Variants in THRB observed in about 807,000 individuals in gnomAD.
THRB encodes the protein thyroid hormone receptor beta.
A neutral mutation model predicts 47.8 loss-of-function variants in THRB; 12 were observed. The observed-to-expected ratio is 0.25, with a 90% CI of 0.16 to 0.41. THRB has a LOEUF of 0.41. Among genes scored for constraint, THRB ranks in the 10% least tolerant of loss-of-function variants. The pLI, the probability that THRB is intolerant of heterozygous loss-of-function variation, is 1.00. For missense variants in THRB, 348 were observed against 589.2 expected (o/e 0.59, Z 4.24); for synonymous variants, 218 against 212.2 (o/e 1.03, Z -0.24).
chr3:24,402,619 A>G (rs892969530), intron 1 of THRB, among the ~76,000 whole-genome samples: 2 of 151,850 alleles, frequency 1.3e-5, no homozygotes, highest in African/African-American at 4.8e-5. Context: ...AAATGTATCA[A>G]TTAAACACAA....
intron 1 of THRB, among the ~76,000 whole-genome samples, chr3:24,337,815 C>A (rs149489889): frequency 6.6e-6 from 1 of 152,170 alleles, no homozygotes; most frequent in South Asian, 2.1e-4. Flanking sequence ...ATTGAGCTGT[C>A]GGGTGGGGCA....
intron 1 of THRB, among the ~76,000 whole-genome samples, chr3:24,417,030 C>A (rs1483647207): frequency 6.6e-6 from 1 of 151,682 alleles, no homozygotes; most frequent in Admixed American, 6.6e-5. Context: ...GCTCAAAAGG[C>A]AGCTTTTAAA....
At chr3:24,238,300 G>GGT (rs1553662230) in intron 3 of THRB, among the ~76,000 whole-genome samples, 3 of 125,670 alleles carry the variant, frequency 2.4e-5, no homozygotes, top group Admixed American at 8.3e-5. Flanking sequence ...GGGTGTGTGG[G>GGT]GTGTGTGTGT....
intron 3 of THRB, among the ~76,000 whole-genome samples, chr3:24,254,376 G>A (rs2051020888): frequency 6.6e-6 from 1 of 150,682 alleles, no homozygotes; most frequent in Non-Finnish European, 1.5e-5. Flanking sequence ...GGCAACAGAG[G>A]GAGACTCCAT....
At chr3:24,311,810 C>T (rs1351773708) in intron 2 of THRB, among the ~76,000 whole-genome samples, 1 of 152,202 alleles carries the variant, frequency 6.6e-6, no homozygotes, top group African/African-American at 2.4e-5. Flanking sequence ...ATTTTAGCCC[C>T]TCTTCATACT....
At chr3:24,256,256 C>G (rs755726552) in intron 3 of THRB, among the ~76,000 whole-genome samples, 2 of 149,634 alleles carry the variant, frequency 1.3e-5, no homozygotes, top group African/African-American at 2.5e-5. Context: ...TGAGGGTCAT[C>G]AGAGGCCTTA....
intron 2 of THRB, among the ~76,000 whole-genome samples, chr3:24,307,339 T>A (rs1182466206): frequency 6.7e-6 from 1 of 148,646 alleles, no homozygotes; most frequent in Non-Finnish European, 1.5e-5. Flanking sequence ...TCACTAGTAA[T>A]GCAACTATTC....
intron 1 of THRB, among the ~76,000 whole-genome samples, chr3:24,461,562 A>G (rs1162143260): frequency 6.6e-6 from 1 of 152,230 alleles, no homozygotes; most frequent in East Asian, 1.9e-4. Flanking sequence ...TGGCTAATTA[A>G]CTTAATGATT....
At chr3:24,280,105 G>A (rs1046817351) in intron 3 of THRB, among the ~76,000 whole-genome samples, 2 of 152,134 alleles carry the variant, frequency 1.3e-5, no homozygotes, top group African/African-American at 4.8e-5. Context: ...ACCGGGGGAG[G>A]AGCCAAGATG....
At chr3:24,220,981 C>T (rs2047101248) in intron 4 of THRB, among the ~76,000 whole-genome samples, 1 of 152,194 alleles carries the variant, frequency 6.6e-6, no homozygotes, top group Non-Finnish European at 1.5e-5. Flanking sequence ...GAGAAAATGA[C>T]TCAGTTCAGT....
chr3:24,182,028 C>A (rs1303663644), intron 5 of THRB, among the ~76,000 whole-genome samples: 6 of 152,058 alleles, frequency 3.9e-5, no homozygotes, highest in African/African-American at 1.4e-4. Context: ...AGTGAAACCC[C>A]ATCTCTACTA....
Position 24,243,565 on chromosome 3 carries a change from C to T in THRB, c.-42-14564G>A, listed in dbSNP as rs892814419. The stretch of plus-strand genomic sequence containing the variant: ...TTAAGGGTTGAACACCTGAAGTTCT[C>T]GGGATGCCTATTTGAACATCCCAGT... On this transcript the variant is annotated intron_variant, in intron 3 of 10. Coordinates refer to ENST00000646209, the MANE Select transcript of THRB (RefSeq NM_001354712.2). Among the ~76,000 whole-genome samples, 8 of 152,062 alleles carry T rather than the reference C, an allele frequency of 5.3e-5. No homozygotes were observed. The South Asian group carries it at 8.3e-4, about 16-fold the overall frequency.
chr3:24,450,830 G>A (rs1274261224), intron 1 of THRB, among the ~76,000 whole-genome samples: 7 of 152,170 alleles, frequency 4.6e-5, no homozygotes, highest in Non-Finnish European at 8.8e-5. Context: ...CTGACATGCA[G>A]TCAGTGTGCT....
At chr3:24,311,335 G>T (rs183331514) in intron 2 of THRB, among the ~76,000 whole-genome samples, 1 of 152,262 alleles carries the variant, frequency 6.6e-6, no homozygotes, top group African/African-American at 2.4e-5. Flanking sequence ...ATTAATGAAA[G>T]AAGAACTTGC....
chr3:24,190,314 C>G lies in THRB; in HGVS notation c.43G>C (p.Asp15His), dbSNP rs1414721864. The G allele has an allele frequency of 6.2e-7, 1 of 1,614,070 alleles. No homozygotes were observed. The highest frequency in any genetic ancestry group is 8.5e-7 in the Non-Finnish European group (1 of 1,179,938). ...SMTENGLTAW[D>H]KPKHCPDREH... ...CGGTCTGGACAGTGCTTCGGTTTGT[C>G]CCAGGCTGTAAGGCCATTTTCTAAA... Residue 15 changes from aspartate (D) to histidine (H), a missense_variant, in exon 5 of 11, where the codon GAC becomes CAC. Physicochemically the swap from Asp to His is moderately conservative, Grantham distance 81 (BLOSUM62 -1). Around this residue, in one of 5 missense-constraint regions of THRB, gnomAD observed 148 missense variants for 122.3 expected, o/e 1.21. Coordinates refer to ENST00000646209, the MANE Select transcript of THRB (RefSeq NM_001354712.2).
intron 8 of THRB, among the ~76,000 whole-genome samples, chr3:24,135,976 A>G (rs6795041): frequency 7.3e-5 from 11 of 151,720 alleles, no homozygotes; most frequent in African/African-American, 9.7e-5. Flanking sequence ...ACATCTCTCA[A>G]TGAATACTGA....
At chr3:24,175,899 G>GA (rs1173062821) in intron 5 of THRB, among the ~76,000 whole-genome samples, 1 of 150,192 alleles carries the variant, frequency 6.7e-6, no homozygotes, top group South Asian at 2.3e-4. Context: ...ATTACAAAGG[G>GA]AAAAGGTTAG....
chr3:24,309,106 C>T (rs540300798), intron 2 of THRB, among the ~76,000 whole-genome samples: 4 of 152,258 alleles, frequency 2.6e-5, no homozygotes, highest in South Asian at 2.1e-4. Flanking sequence ...GACCACACAG[C>T]GAAAGTGGGT....
intron 2 of THRB, among the ~76,000 whole-genome samples, chr3:24,303,666 G>A (rs1256780468): frequency 3.3e-5 from 5 of 152,174 alleles, no homozygotes; most frequent in African/African-American, 7.2e-5. Flanking sequence ...AGAGATAATT[G>A]ATACATTCTC....
Sources: allele counts gnomAD v4.1 joint callset (sites outside exome capture counted in the v4.1 genomes callset), GRCh38; gene constraint gnomAD v4.1.1; regional missense constraint gnomAD v4.1.1; transcripts MANE v1.5; gene names NCBI Gene and HGNC (gene_info 2026-07-23, HGNC 2026-07-21).